HEMK2: variants seen among roughly 807,000 people sequenced by gnomAD.
The protein encoded by HEMK2 is methyltransferase HEMK2.
the HEMK2 span, among the ~76,000 whole-genome samples, chr21:28,780,681 C>T: frequency 4.6e-4 from 70 of 152,238 alleles, no homozygotes; most frequent in Non-Finnish European, 9.0e-4. Flanking sequence ...TAAAGCTTTG[C>T]TCACTAAAGT....
At chr21:28,772,685 C>T in the HEMK2 span, among the ~76,000 whole-genome samples, 1 of 152,094 alleles carries the variant, frequency 6.6e-6, no homozygotes, top group Non-Finnish European at 1.5e-5. Context: ...TCAAAATTTT[C>T]CTTATCACTC....
the HEMK2 span, among the ~76,000 whole-genome samples, chr21:28,603,355 T>C: frequency 6.6e-6 from 1 of 152,150 alleles, no homozygotes; most frequent in Non-Finnish European, 1.5e-5. Flanking sequence ...TCTTATTCTA[T>C]GGTGACATTG....
the HEMK2 span, among the ~76,000 whole-genome samples, chr21:28,768,226 G>A: frequency 6.6e-6 from 1 of 152,096 alleles, no homozygotes; most frequent in African/African-American, 2.4e-5. Flanking sequence ...GGAGACCACT[G>A]GAGGTTGGTG....
the HEMK2 span, among the ~76,000 whole-genome samples, chr21:28,712,321 C>T: frequency 3.3e-5 from 5 of 152,334 alleles, no homozygotes; most frequent in African/African-American, 1.2e-4. Flanking sequence ...GGAAGCCCAA[C>T]TTCAATCAGA....
the HEMK2 span, among the ~76,000 whole-genome samples, chr21:28,663,080 G>A: frequency 2.0e-5 from 3 of 152,126 alleles, no homozygotes; most frequent in Admixed American, 2.0e-4. Context: ...TCAATGGAGA[G>A]TGAAAAAACG....
chr21:28,827,461 C>T, the HEMK2 span, among the ~76,000 whole-genome samples: 5 of 152,218 alleles, frequency 3.3e-5, no homozygotes, highest in African/African-American at 4.8e-5. Context: ...TCAACAGCTA[C>T]CATTTAGTGA....
chr21:28,781,011 T>C, the HEMK2 span, among the ~76,000 whole-genome samples: 1 of 152,186 alleles, frequency 6.6e-6, no homozygotes, highest in Non-Finnish European at 1.5e-5. Context: ...TTTATAGATA[T>C]TAAGAGTTTC....
At chr21:28,770,469 C>T in the HEMK2 span, among the ~76,000 whole-genome samples, 1 of 152,066 alleles carries the variant, frequency 6.6e-6, no homozygotes, top group Non-Finnish European at 1.5e-5. Context: ...GATACTGAGA[C>T]CTTTCCAAGT....
the HEMK2 span, among the ~76,000 whole-genome samples, chr21:28,620,973 CT>C: frequency 6.6e-6 from 1 of 151,828 alleles, no homozygotes; most frequent in Non-Finnish European, 1.5e-5. Flanking sequence ...ACCTGGCCCT[CT>C]TTTCTTCTTT....
chr21:28,806,104 A>G, the HEMK2 span, among the ~76,000 whole-genome samples: 1 of 152,180 alleles, frequency 6.6e-6, no homozygotes, highest in Non-Finnish European at 1.5e-5. Context: ...AATTTGGTAA[A>G]GTACCGTATT....
the HEMK2 span, among the ~76,000 whole-genome samples, chr21:28,715,415 T>A: frequency 6.6e-6 from 1 of 152,228 alleles, no homozygotes; most frequent in Non-Finnish European, 1.5e-5. Flanking sequence ...CATTGTTTCA[T>A]ATATTTGTTG....
At chr21:28,864,323 T>G in the HEMK2 span, among the ~76,000 whole-genome samples, 1 of 152,170 alleles carries the variant, frequency 6.6e-6, no homozygotes, top group Non-Finnish European at 1.5e-5. Flanking sequence ...AAAGACACCT[T>G]TGGTAAATAG....
the HEMK2 span, among the ~76,000 whole-genome samples, chr21:28,834,097 T>G: frequency 5.9e-5 from 9 of 152,308 alleles, no homozygotes; most frequent in Admixed American, 1.3e-4. Flanking sequence ...ATGGCACAAG[T>G]CATGTGCCTA....
At chr21:28,864,829 A>C in the HEMK2 span, among the ~76,000 whole-genome samples, 51 of 135,128 alleles carry the variant, frequency 3.8e-4, no homozygotes, top group Middle Eastern at 7.9e-3. Context: ...ACAGATAGAT[A>C]GATAGATAGA....
chr21:28,821,882 C>T, the HEMK2 span, among the ~76,000 whole-genome samples: 1 of 152,174 alleles, frequency 6.6e-6, no homozygotes, highest in Admixed American at 6.5e-5. Context: ...GCCCTTTCTC[C>T]ATTTGTTAGT....
chr21:28,590,876 A>AT, the HEMK2 span, among the ~76,000 whole-genome samples: 2 of 152,382 alleles, frequency 1.3e-5, no homozygotes, highest in East Asian at 3.9e-4. Flanking sequence ...GCAGGCATGC[A>AT]TAAGTGTAAA....
chr21:28,719,549 T>C, the HEMK2 span, among the ~76,000 whole-genome samples: 3 of 152,208 alleles, frequency 2.0e-5, no homozygotes, highest in Non-Finnish European at 4.4e-5. Flanking sequence ...GTGAGTCCAT[T>C]GAACCTCTTT....
At chr21:28,659,904 C>T in the HEMK2 span, among the ~76,000 whole-genome samples, 2 of 152,028 alleles carry the variant, frequency 1.3e-5, no homozygotes, top group Non-Finnish European at 2.9e-5. Flanking sequence ...ATTGGGATGG[C>T]ACTGAACCTA....
chr21:28,657,748 C>G, the HEMK2 span, among the ~76,000 whole-genome samples: 1 of 151,998 alleles, frequency 6.6e-6, no homozygotes, highest in Non-Finnish European at 1.5e-5. Context: ...GCCAGCAACC[C>G]AAACCTTTAA....
Sources: gnomAD v4.1 joint callset for allele counts (sites outside exome capture counted in the v4.1 genomes callset) on GRCh38, gnomAD v4.1.1 for gene constraint, MANE v1.5 for transcripts, NCBI Gene and HGNC (gene_info 2026-07-23, HGNC 2026-07-21) for gene names.